Variants in DCLK1 observed in about 807,000 individuals in gnomAD.
The protein encoded by DCLK1 is doublecortin like kinase 1, also known as serine/threonine-protein kinase DCLK1.
A neutral mutation model predicts 86.2 loss-of-function variants in DCLK1; 16 were observed. The ratio of observed to expected loss-of-function variants is 0.19; its 90% CI spans 0.13 to 0.28. The LOEUF (loss-of-function observed/expected upper bound fraction) is 0.28, where lower values mean the gene tolerates loss of function less well. Ranked by LOEUF, DCLK1 falls within the 10% of genes least tolerant of loss-of-function variation. DCLK1 has a pLI of 1.00. For synonymous variants in DCLK1, 369 were observed against 370.5 expected (o/e 1.00, Z 0.05); for missense variants, 590 against 940.2 (o/e 0.63, Z 4.87).
At chr13:35,826,712 G>A (rs9545509) in intron 10 of DCLK1, among the ~76,000 whole-genome samples, 99,575 of 151,526 alleles carry the variant, frequency 0.66, 34,206 homozygotes, top group Non-Finnish European at 0.75. Context: ...TCATATCATC[G>A]CAGATTAGCT....
intron 3 of DCLK1, among the ~76,000 whole-genome samples, chr13:36,103,785 GTC>G (rs900187472): frequency 3.9e-4 from 60 of 152,254 alleles, no homozygotes; most frequent in African/African-American, 1.4e-3. Context: ...GCAGGTTTGT[GTC>G]TCTGCAATAA....
At chr13:35,852,217 G>C (rs1870702505) in intron 6 of DCLK1, among the ~76,000 whole-genome samples, 1 of 152,198 alleles carries the variant, frequency 6.6e-6, no homozygotes, top group African/African-American at 2.4e-5. Context: ...CCAATCATTT[G>C]AGAAGACCAT....
chr13:35,842,172 T>G (rs1373584238), intron 6 of DCLK1, among the ~76,000 whole-genome samples: 1 of 125,786 alleles, frequency 8.0e-6, no homozygotes, highest in Admixed American at 1.1e-4. Context: ...GAGCTTGCAG[T>G]GAGCCGAGAT....
At chr13:35,896,711 T>C (rs758574800) in intron 4 of DCLK1, among the ~76,000 whole-genome samples, 9 of 151,884 alleles carry the variant, frequency 5.9e-5, no homozygotes, top group Middle Eastern at 3.4e-3. Context: ...CACTCGGCCT[T>C]GGCAGGATAA....
At chr13:36,098,571 T>G (rs1312495151) in intron 3 of DCLK1, among the ~76,000 whole-genome samples, 1 of 152,168 alleles carries the variant, frequency 6.6e-6, no homozygotes, top group East Asian at 1.9e-4. Context: ...AAAAAAAAAG[T>G]AATTTTAAGA....
intron 3 of DCLK1, among the ~76,000 whole-genome samples, chr13:35,970,110 G>T (rs1202501594): frequency 6.6e-6 from 1 of 152,112 alleles, no homozygotes; most frequent in Non-Finnish European, 1.5e-5. Context: ...CAATCTAAAG[G>T]TCTCTTTCTC....
intron 6 of DCLK1, among the ~76,000 whole-genome samples, chr13:35,843,948 A>C (rs1157557638): frequency 6.6e-6 from 1 of 152,220 alleles, no homozygotes; most frequent in Non-Finnish European, 1.5e-5. Context: ...ATTAAATAAT[A>C]ATCTTGGTGT....
chr13:35,769,315 T>G lies in DCLK1; in HGVS notation c.*5220A>C, dbSNP rs1018689030. 1.3e-5 allele frequency: 2 copies of G among 152,212 alleles called. No individual in the cohort carries two copies. 9.4% of individuals were successfully genotyped at this position (152,212 alleles called of 1,614,324 possible). On this transcript the variant is annotated 3_prime_UTR_variant, in exon 17 of 17. Coordinates refer to ENST00000360631, the MANE Select transcript of DCLK1 (RefSeq NM_001330071.2). ...TTTTTTCTTGAGTCAAATTGAAACC[T>G]TTCAGAAACTTGTTTAAATGCGCCA...
intron 6 of DCLK1, among the ~76,000 whole-genome samples, chr13:35,841,986 C>T (rs1157491247): frequency 6.6e-6 from 1 of 151,852 alleles, no homozygotes; most frequent in African/African-American, 2.4e-5. Flanking sequence ...CCAAATACTT[C>T]TAGTACTGAA....
intron 15 of DCLK1, among the ~76,000 whole-genome samples, chr13:35,798,847 G>T (rs555524398): frequency 2.6e-4 from 39 of 152,334 alleles, no homozygotes; most frequent in African/African-American, 8.9e-4. Flanking sequence ...GGGTAGGGCT[G>T]AGTTTTATTA....
intron 16 of DCLK1, among the ~76,000 whole-genome samples, chr13:35,782,060 C>A (rs2086535626): frequency 6.6e-6 from 1 of 152,156 alleles, no homozygotes; most frequent in Non-Finnish European, 1.5e-5. Context: ...AAAAGGAGGC[C>A]TTCTTGGGAT....
chr13:36,037,549 T>A (rs901477197), intron 3 of DCLK1, among the ~76,000 whole-genome samples: 12 of 152,256 alleles, frequency 7.9e-5, no homozygotes, highest in African/African-American at 2.6e-4. Flanking sequence ...AGTGGTGCGA[T>A]CTCAGCTCAC....
At position 35,845,684 on chromosome 13, in the gene DCLK1, TCAA is replaced by T. The variant is rs1870126195; in HGVS notation, c.1036-6511_1036-6509del. On this transcript the variant is annotated intron_variant, in intron 6 of 16. Coordinates refer to ENST00000360631, the MANE Select transcript of DCLK1 (RefSeq NM_001330071.2). ...CAACTACCTGAAACAGAATTTTTCA[TCAA>T]ATAATCTTATTTTGTTATTACTGTC... Among the ~76,000 whole-genome samples, 11 of 152,358 alleles carry T rather than the reference TCAA, an allele frequency of 7.2e-5. No homozygotes were observed. In the South Asian group the frequency reaches 2.3e-3, roughly 32 times the overall value.
At chr13:36,087,144 T>A (rs998756743) in intron 3 of DCLK1, among the ~76,000 whole-genome samples, 13 of 152,242 alleles carry the variant, frequency 8.5e-5, no homozygotes, top group African/African-American at 2.7e-4. Context: ...CCTGACTTTT[T>A]AATGATCGAT....
At position 35,862,698 on chromosome 13, in the gene DCLK1, A is replaced by G. The variant is rs548185106; in HGVS notation, c.941-8105T>C. On this transcript the variant is annotated intron_variant, in intron 5 of 16. Coordinates refer to ENST00000360631, the MANE Select transcript of DCLK1 (RefSeq NM_001330071.2). ...GAATTCTATCCTGCATTTTTATTGA[A>G]CAAGCAACTATTCCCTAACTATGCC... Among the ~76,000 whole-genome samples the G allele has an allele frequency of 8.5e-5, 13 of 152,342 alleles. No individual in the cohort carries two copies. In the East Asian group the frequency reaches 2.3e-3, roughly 27 times the overall value.
intron 3 of DCLK1, among the ~76,000 whole-genome samples, chr13:36,107,699 T>G (rs576808476): frequency 6.6e-6 from 1 of 152,308 alleles, no homozygotes; most frequent in East Asian, 1.9e-4. Flanking sequence ...AGCTGTTCTA[T>G]GTTTCTAAGG....
intron 3 of DCLK1, among the ~76,000 whole-genome samples, chr13:35,954,333 T>C (rs1039691379): frequency 2.0e-5 from 3 of 152,284 alleles, no homozygotes; most frequent in Non-Finnish European, 4.4e-5. Context: ...ACTTGGCACA[T>C]ATGGGGCTCC....
chr13:35,850,363 A>T, intron 6 of DCLK1: 1 of 1,002,846 alleles, frequency 1.0e-6, no homozygotes, highest in Non-Finnish European at 1.2e-6. Context: ...TTAAGAAGAA[A>T]ACTCCATCTG....
chr13:36,018,817 C>T (rs1439810606), intron 3 of DCLK1, among the ~76,000 whole-genome samples: 2 of 152,142 alleles, frequency 1.3e-5, no homozygotes, highest in African/African-American at 4.8e-5. Flanking sequence ...ATAAATTATA[C>T]ACATTATAAG....
Sources: gnomAD v4.1 joint callset for allele counts (sites outside exome capture counted in the v4.1 genomes callset) on GRCh38, gnomAD v4.1.1 for gene constraint, MANE v1.5 for transcripts, NCBI Gene and HGNC (gene_info 2026-07-23, HGNC 2026-07-21) for gene names.